Variants in SUSD1 observed in about 807,000 individuals in gnomAD.
The protein encoded by SUSD1 is sushi domain-containing protein 1.
In SUSD1, 65 loss-of-function variants were observed where a neutral mutation model predicts 86.9. That is an observed-to-expected ratio of 0.75 (90% confidence interval 0.61 to 0.92). SUSD1 has a LOEUF of 0.92. SUSD1 is among the 40% of genes least tolerant of loss of function. The probability of loss-of-function intolerance (pLI) is 0.00; values close to 1 mark genes in which losing one functional copy is unlikely to be tolerated. For synonymous variants in SUSD1, 346 were observed against 350.0 expected (o/e 0.99, Z 0.13); for missense variants, 850 against 929.7 (o/e 0.91, Z 1.11).
chr9:112,097,159 C>A (rs1830430007), intron 10 of SUSD1, among the ~76,000 whole-genome samples: 1 of 151,832 alleles, frequency 6.6e-6, no homozygotes, highest in Admixed American at 6.6e-5. Context: ...AACCCTGTAT[C>A]TACTAAAAAT....
At chr9:112,093,786 G>A (rs1830293254) in intron 10 of SUSD1, among the ~76,000 whole-genome samples, 1 of 152,192 alleles carries the variant, frequency 6.6e-6, no homozygotes, top group African/African-American at 2.4e-5. Context: ...CATGATGGAA[G>A]ATGAGAGCTC....
intron 10 of SUSD1, among the ~76,000 whole-genome samples, chr9:112,094,852 T>C (rs150080535): frequency 1.7e-3 from 263 of 152,320 alleles, no homozygotes; most frequent in Non-Finnish European, 2.6e-3. Context: ...TGTGAACATG[T>C]TTAAAAAGAG....
At chr9:112,169,125 C>T (rs1311980549) in intron 1 of SUSD1, among the ~76,000 whole-genome samples, 1 of 151,960 alleles carries the variant, frequency 6.6e-6, no homozygotes, top group Non-Finnish European at 1.5e-5. Context: ...AAAAAAAAAT[C>T]CAGAAATGAA....
intron 12 of SUSD1, among the ~76,000 whole-genome samples, chr9:112,067,049 G>T (rs1346122110): frequency 6.6e-6 from 1 of 152,068 alleles, no homozygotes; most frequent in East Asian, 1.9e-4. Flanking sequence ...GCTAATTTTT[G>T]TATTTTTAGT....
intron 5 of SUSD1, among the ~76,000 whole-genome samples, chr9:112,138,237 G>GTATATATATATATATATATATATATATA (rs375674193): frequency 2.4e-4 from 1 of 4,146 alleles, no homozygotes; most frequent in African/African-American, 2.0e-3. Flanking sequence ...AAAAAAATGT[G>GTATATATATATATATATATATATATATA]TATATATATA....
At chr9:112,111,147 C>A (rs1831079571) in intron 8 of SUSD1, among the ~76,000 whole-genome samples, 1 of 152,140 alleles carries the variant, frequency 6.6e-6, no homozygotes, top group Non-Finnish European at 1.5e-5. Flanking sequence ...TGTGTGCCAC[C>A]ACACCCAGCT....
intron 10 of SUSD1, among the ~76,000 whole-genome samples, chr9:112,098,099 G>A (rs1007018304): frequency 1.3e-5 from 2 of 152,116 alleles, no homozygotes; most frequent in Non-Finnish European, 2.9e-5. Flanking sequence ...CTGACACTGT[G>A]GGACCCACGT....
chr9:112,134,865 AG>A (rs1305139442), intron 5 of SUSD1, among the ~76,000 whole-genome samples: 3 of 149,234 alleles, frequency 2.0e-5, no homozygotes, highest in Non-Finnish European at 4.6e-5. Flanking sequence ...GCCAGGAATT[AG>A]AGACCAGCTG....
intron 1 of SUSD1, among the ~76,000 whole-genome samples, chr9:112,170,058 T>G (rs1262452395): frequency 6.6e-6 from 1 of 152,198 alleles, no homozygotes; most frequent in Admixed American, 6.5e-5. Context: ...CTTGGGATTT[T>G]GAGCTACAGA....
chr9:112,116,511 A>G (rs4978474), intron 6 of SUSD1, among the ~76,000 whole-genome samples: 123,398 of 152,246 alleles, frequency 0.81, 50,719 homozygotes, highest in African/African-American at 0.95. Flanking sequence ...GAGCTGTCCC[A>G]GGGCTCTTTC....
intron 8 of SUSD1, among the ~76,000 whole-genome samples, chr9:112,106,930 A>G (rs1473857840): frequency 6.6e-6 from 1 of 151,600 alleles, no homozygotes; most frequent in Non-Finnish European, 1.5e-5. Context: ...AAATCTGTGT[A>G]ACAAAAAGAA....
At chr9:112,090,863 A>G (rs551539959) in intron 10 of SUSD1, among the ~76,000 whole-genome samples, 1 of 152,338 alleles carries the variant, frequency 6.6e-6, no homozygotes, top group African/African-American at 2.4e-5. Flanking sequence ...AGGAGAGAAC[A>G]GTTTTGGAGT....
chr9:112,088,427 A>G (rs1830069931), intron 10 of SUSD1, among the ~76,000 whole-genome samples: 1 of 152,270 alleles, frequency 6.6e-6, no homozygotes. Context: ...AAAATAGAAT[A>G]AACTAGTTGA....
chr9:112,101,488 C>T (rs2131616823), intron 9 of SUSD1, among the ~76,000 whole-genome samples: 1 of 152,262 alleles, frequency 6.6e-6, no homozygotes, highest in African/African-American at 2.4e-5. Context: ...TACAATTTTA[C>T]TGATGATGTT....
chr9:112,067,706 C>A (rs1829051514), intron 12 of SUSD1, among the ~76,000 whole-genome samples: 1 of 152,158 alleles, frequency 6.6e-6, no homozygotes, highest in African/African-American at 2.4e-5. Flanking sequence ...AACCACCCCT[C>A]CTTCAAAGTC....
At chr9:112,130,641 AAGAG>A (rs1017834074) in intron 5 of SUSD1, among the ~76,000 whole-genome samples, 1 of 151,908 alleles carries the variant, frequency 6.6e-6, no homozygotes, top group African/African-American at 2.4e-5. Flanking sequence ...AAAAGGAAGA[AAGAG>A]AGAGAGAATA....
chr9:112,142,423 C>T lies in SUSD1; in HGVS notation c.603G>A (p.Gln201=). The change falls in exon 5 of 17, where the codon CAG becomes CAA. Residue 201 remains glutamine (Q), a synonymous_variant. Coordinates refer to ENST00000374270, the MANE Select transcript of SUSD1 (RefSeq NM_022486.5). ...ATCCTTCTCTGCAAGCATAACGAAC[C>T]TGGCTGCCCAGACTAGACGTATAAT... ...IGNYTSSLGS[Q]VRYACREGFF... is the part of the protein sequence containing the mutation. The T allele has an allele frequency of 2.5e-6, 4 of 1,614,104 alleles. No individual in the cohort carries two copies. Among genetic ancestry groups the T allele is most frequent in the Non-Finnish European group, 3.4e-6 (4 of 1,180,002 alleles).
intron 5 of SUSD1, among the ~76,000 whole-genome samples, chr9:112,131,146 C>T (rs1213835085): frequency 6.6e-6 from 1 of 152,252 alleles, no homozygotes; most frequent in African/African-American, 2.4e-5. Flanking sequence ...TCACACCATT[C>T]GTAAAAGAGC....
At chr9:112,123,946 A>G (rs555392813) in intron 6 of SUSD1, among the ~76,000 whole-genome samples, 15 of 152,320 alleles carry the variant, frequency 9.8e-5, no homozygotes, top group African/African-American at 2.9e-4. Flanking sequence ...AGTTAGGAGC[A>G]TGCCCCTCTG....
Sources: allele counts gnomAD v4.1 joint callset (sites outside exome capture counted in the v4.1 genomes callset), GRCh38; gene constraint gnomAD v4.1.1; transcripts MANE v1.5; gene names NCBI Gene and HGNC (gene_info 2026-07-23, HGNC 2026-07-21).